Variants in ARHGAP10 observed in about 807,000 individuals in gnomAD.
ARHGAP10 encodes the protein rho GTPase-activating protein 10.
A neutral mutation model predicts 108.6 loss-of-function variants in ARHGAP10; 87 were observed. The observed-to-expected ratio is 0.80, with a 90% CI of 0.67 to 0.96. ARHGAP10 has a LOEUF of 0.96. Ranked by LOEUF, ARHGAP10 falls within the 40% of genes least tolerant of loss-of-function variation. The pLI is 0.00. For synonymous variants in ARHGAP10, 347 were observed against 341.1 expected (o/e 1.02, Z -0.19); for missense variants, 939 against 954.5 (o/e 0.98, Z 0.21).
intron 1 of ARHGAP10, among the ~76,000 whole-genome samples, chr4:147,802,400 A>G (rs1351010485): frequency 2.6e-5 from 4 of 152,242 alleles, no homozygotes; most frequent in Non-Finnish European, 5.9e-5. Flanking sequence ...TCTAAAGCAT[A>G]ATATAGCTGA....
chr4:147,822,838 AT>A lies in ARHGAP10; in HGVS notation c.250+20del. The A allele has an allele frequency of 6.2e-7, 1 of 1,613,904 alleles. No homozygotes were observed. Among genetic ancestry groups the A allele is most frequent in the South Asian group, 1.1e-5 (1 of 91,076 alleles). On this transcript the variant is annotated intron_variant, in intron 2 of 22. Coordinates refer to ENST00000336498, the MANE Select transcript of ARHGAP10 (RefSeq NM_024605.4). ...CGATGCATAGGTAATTAAACATGAT[AT>A]TTTGGTTTGTTTTCCTTTGCCATGG...
rs142251114 is a variant in ARHGAP10, at chr4:147,907,969, A to C, written c.1116+1250A>C. 6.6e-3 allele frequency among the ~76,000 whole-genome samples: 998 copies of C among 152,206 alleles called. 8 individuals are homozygous for C. Among genetic ancestry groups the C allele is most frequent in the African/African-American group, 0.023 (961 of 41,532 alleles). ...GTGATTCTCCTGCTTCAGCCTCCCA[A>C]GTAGCTGGGATTACAGGTGTGTGTC... is the stretch of plus-strand genomic sequence containing the variant. On this transcript the variant is annotated intron_variant, in intron 11 of 22. Coordinates refer to ENST00000336498, the MANE Select transcript of ARHGAP10 (RefSeq NM_024605.4).
chr4:148,000,846 A>G (rs973632024), intron 18 of ARHGAP10, among the ~76,000 whole-genome samples: 2 of 152,228 alleles, frequency 1.3e-5, no homozygotes, highest in Non-Finnish European at 1.5e-5. Context: ...AGATGAGTAG[A>G]TTGCAAAAAT....
At chr4:147,926,922 T>G (rs930450207) in intron 13 of ARHGAP10, among the ~76,000 whole-genome samples, 1 of 152,118 alleles carries the variant, frequency 6.6e-6, no homozygotes, top group Admixed American at 6.5e-5. Flanking sequence ...TGTTTTTTTC[T>G]TAGGTGTTAT....
intron 18 of ARHGAP10, among the ~76,000 whole-genome samples, chr4:148,005,046 C>T (rs1380841643): frequency 6.6e-6 from 1 of 152,194 alleles, no homozygotes; most frequent in East Asian, 1.9e-4. Flanking sequence ...AAAAAAGAAT[C>T]TCATGCCACT....
intron 7 of ARHGAP10, among the ~76,000 whole-genome samples, chr4:147,867,023 GC>G (rs1734595047): frequency 6.6e-6 from 1 of 152,118 alleles, no homozygotes; most frequent in African/African-American, 2.4e-5. Context: ...CCACCTGGCG[GC>G]TTTTCCTGCA....
At chr4:148,045,121 G>C (rs1194928593) in intron 19 of ARHGAP10, among the ~76,000 whole-genome samples, 1 of 152,138 alleles carries the variant, frequency 6.6e-6, no homozygotes, top group East Asian at 1.9e-4. Context: ...GAGTTTCAGT[G>C]GTACAGTTGG....
chr4:148,072,208 T>G lies in ARHGAP10; in HGVS notation c.*127T>G. On this transcript the variant is annotated 3_prime_UTR_variant, in exon 23 of 23. Transcript: ENST00000336498. Reference sequence around the variant, plus strand: ...CCTCCACACTTGGGAGTTACCATCATCACAGTCAGCCCTGGGGGTGGGGGG... The same window carrying G: ...CCTCCACACTTGGGAGTTACCATCAGCACAGTCAGCCCTGGGGGTGGGGGG... 5 of 431,956 alleles carry G rather than the reference T, an allele frequency of 1.2e-5. No individual in the cohort carries two copies. Among genetic ancestry groups the G allele is most frequent in the Non-Finnish European group, 2.0e-5 (5 of 244,320 alleles). The allele number at this position is 431,956 out of a possible 1,614,324, so 26.8% of individuals were successfully genotyped here.
rs1324223886 is a variant in ARHGAP10 at position 147,732,354 on chromosome 4, T to G, written c.53T>G (p.Phe18Cys). Residue 18 changes from phenylalanine to cysteine, a missense_variant, in exon 1 of 23, where the codon TTC (phenylalanine) becomes TGC (cysteine). Physicochemically the swap from Phe to Cys is radical, Grantham distance 205. Coordinates refer to ENST00000336498, the MANE Select transcript of ARHGAP10 (RefSeq NM_024605.4). The stretch of plus-strand genomic sequence containing the variant: ...GACTGCTACCTCGACAGCCCGTGGT[T>G]CCGGGAGAGGATCCGCGCTCACGAA... ...FSDCYLDSPW[F>C]RERIRAHEAE... The G allele has an allele frequency of 6.2e-7, 1 of 1,613,202 alleles. No individual in the cohort carries two copies. The highest frequency in any genetic ancestry group is 2.2e-5 in the East Asian group (1 of 44,784).
intron 3 of ARHGAP10, among the ~76,000 whole-genome samples, chr4:147,834,210 C>T (rs969003035): frequency 6.6e-6 from 1 of 152,164 alleles, no homozygotes; most frequent in African/African-American, 2.4e-5. Flanking sequence ...TGGCTTACAC[C>T]TGTAGTCCCA....
At chr4:147,758,256 T>G (rs1729459141) in intron 1 of ARHGAP10, among the ~76,000 whole-genome samples, 1 of 150,526 alleles carries the variant, frequency 6.6e-6, no homozygotes, top group Non-Finnish European at 1.5e-5. Flanking sequence ...AGAGCGAAAC[T>G]TCATCTCAAA....
chr4:147,772,088 C>T (rs1730107415), intron 1 of ARHGAP10, among the ~76,000 whole-genome samples: 1 of 152,214 alleles, frequency 6.6e-6, no homozygotes, highest in African/African-American at 2.4e-5. Flanking sequence ...CCGCGCCAGG[C>T]CCTAAATGAG....
At chr4:147,937,445 G>A (rs144939603) in intron 13 of ARHGAP10, among the ~76,000 whole-genome samples, 106 of 152,134 alleles carry the variant, frequency 7.0e-4, no homozygotes, top group African/African-American at 2.1e-3. Context: ...GGATTAGGAC[G>A]TCAACAGATG....
intron 1 of ARHGAP10, among the ~76,000 whole-genome samples, chr4:147,753,735 A>G (rs1274775649): frequency 1.3e-5 from 2 of 152,132 alleles, no homozygotes; most frequent in Admixed American, 6.5e-5. Context: ...TATATTTGAG[A>G]GAATGATTTT....
intron 13 of ARHGAP10, among the ~76,000 whole-genome samples, chr4:147,934,500 C>T (rs1448921985): frequency 6.6e-6 from 1 of 152,204 alleles, no homozygotes; most frequent in Non-Finnish European, 1.5e-5. Context: ...TCCGTTAACG[C>T]TTTTGATTTT....
chr4:147,824,565 A>G (rs187601540), intron 3 of ARHGAP10, among the ~76,000 whole-genome samples: 50 of 152,276 alleles, frequency 3.3e-4, no homozygotes, highest in African/African-American at 1.2e-3. Flanking sequence ...ACAGTTCCGC[A>G]TTGCTGGGGA....
At chr4:147,912,307 A>G (rs1465010862) in intron 12 of ARHGAP10, among the ~76,000 whole-genome samples, 1 of 151,602 alleles carries the variant, frequency 6.6e-6, no homozygotes, top group African/African-American at 2.4e-5. Flanking sequence ...TGGGATGCCA[A>G]AGTGGTCAGA....
intron 18 of ARHGAP10, among the ~76,000 whole-genome samples, chr4:148,019,517 A>C (rs1246972642): frequency 6.6e-6 from 1 of 152,114 alleles, no homozygotes; most frequent in Non-Finnish European, 1.5e-5. Flanking sequence ...TTTAGGTGGC[A>C]GAGGCGGACG....
Position 147,976,125 on chromosome 4 carries a change from C to T in ARHGAP10, c.1716+9286C>T, listed in dbSNP as rs150324168. Among the ~76,000 whole-genome samples, 532 of 152,274 alleles carry T rather than the reference C, an allele frequency of 3.5e-3. 2 individuals are homozygous for T. Among genetic ancestry groups the T allele is most frequent in the African/African-American group, 0.012 (511 of 41,558 alleles). On this transcript the variant is annotated intron_variant, in intron 18 of 22. Transcript: ENST00000336498. The stretch of plus-strand genomic sequence containing the variant: ...CTTCCGTAGGTTGGTCTCTGTCATT[C>T]TTTAATATATAAAGAGATTGAGTGA...
Sources: gnomAD v4.1 joint callset for allele counts (sites outside exome capture counted in the v4.1 genomes callset) on GRCh38, gnomAD v4.1.1 for gene constraint, MANE v1.5 for transcripts, NCBI Gene and HGNC (gene_info 2026-07-23, HGNC 2026-07-21) for gene names.